Variants in DOCK3 observed in about 807,000 individuals in gnomAD.
DOCK3 encodes the protein dedicator of cytokinesis 3.
In DOCK3, 60 loss-of-function variants were observed where a neutral mutation model predicts 265.6. The observed-to-expected ratio is 0.23, with a 90% CI of 0.18 to 0.28. The LOEUF (loss-of-function observed/expected upper bound fraction) is 0.28. Among genes scored for constraint, DOCK3 ranks in the 10% least tolerant of loss-of-function variants. DOCK3 has a pLI of 1.00. For synonymous variants in DOCK3, 881 were observed against 938.0 expected (o/e 0.94, Z 1.11); for missense variants, 1,981 against 2,594.3 (o/e 0.76, Z 5.14).
chr3:51,169,600 G>A (rs1560155517), intron 12 of DOCK3, among the ~76,000 whole-genome samples: 1 of 152,066 alleles, frequency 6.6e-6, no homozygotes, highest in African/African-American at 2.4e-5. Context: ...ATGAGGGTGG[G>A]ACGAGGGAGA....
At chr3:50,832,812 A>C (rs1460630356) in intron 2 of DOCK3, among the ~76,000 whole-genome samples, 1 of 152,130 alleles carries the variant, frequency 6.6e-6, no homozygotes, top group Non-Finnish European at 1.5e-5. Context: ...CTGCCTAACT[A>C]TCAGGGTCTC....
intron 38 of DOCK3, among the ~76,000 whole-genome samples, chr3:51,346,821 G>C (rs2085617131): frequency 6.6e-6 from 1 of 152,116 alleles, no homozygotes; most frequent in South Asian, 2.1e-4. Context: ...ACTTTTTAAT[G>C]ATCACCATTC....
chr3:51,198,293 G>A (rs2088450482), intron 12 of DOCK3, among the ~76,000 whole-genome samples: 1 of 152,240 alleles, frequency 6.6e-6, no homozygotes, highest in African/African-American at 2.4e-5. Flanking sequence ...AACCACGGGT[G>A]CTTTTCACTC....
intron 23 of DOCK3, among the ~76,000 whole-genome samples, chr3:51,262,856 G>A (rs1486832378): frequency 6.6e-6 from 1 of 152,124 alleles, no homozygotes; most frequent in Non-Finnish European, 1.5e-5. Context: ...AAGTCGTGAA[G>A]ACAAGATTAG....
intron 35 of DOCK3, among the ~76,000 whole-genome samples, chr3:51,334,477 C>G (rs149973230): frequency 7.5e-4 from 115 of 152,318 alleles, no homozygotes; most frequent in East Asian, 4.1e-3. Context: ...GCAAAAGATA[C>G]AGGTGTCCAA....
At chr3:51,356,342 C>T in intron 42 of DOCK3, 65 bp from the exon 43 acceptor site, 1 of 1,612,182 alleles carries the variant, frequency 6.2e-7, no homozygotes, top group Non-Finnish European at 8.5e-7. Flanking sequence ...TGTTTTATCC[C>T]TCAGGTAGGC....
chr3:51,155,142 A>AT (rs113981577), intron 10 of DOCK3, among the ~76,000 whole-genome samples: 38 of 145,578 alleles, frequency 2.6e-4, no homozygotes, highest in African/African-American at 3.3e-4. Context: ...TGCTTGGCTA[A>AT]TTTTTTTTTT....
intron 27 of DOCK3, among the ~76,000 whole-genome samples, chr3:51,289,519 A>C (rs1219760962): frequency 6.6e-6 from 1 of 152,228 alleles, no homozygotes; most frequent in Non-Finnish European, 1.5e-5. Context: ...ATCTACAAAC[A>C]ACCAACCAGA....
intron 5 of DOCK3, among the ~76,000 whole-genome samples, chr3:50,978,609 C>T (rs977164405): frequency 1.3e-5 from 2 of 152,152 alleles, no homozygotes; most frequent in African/African-American, 4.8e-5. Context: ...TTTGTCTGTG[C>T]CCTGCCCCCA....
At chr3:50,869,321 TTTTA>T (rs922541128) in intron 3 of DOCK3, among the ~76,000 whole-genome samples, 20 of 148,178 alleles carry the variant, frequency 1.3e-4, no homozygotes, top group Non-Finnish European at 3.0e-4. Context: ...TTTATTTCAA[TTTTA>T]TTTATTTCTG....
chr3:51,137,739 TTCA>T (rs1396570055), intron 9 of DOCK3, among the ~76,000 whole-genome samples: 1 of 152,232 alleles, frequency 6.6e-6, no homozygotes, highest in Non-Finnish European at 1.5e-5. Flanking sequence ...TTGTCTATAG[TTCA>T]TCATCATAAA....
At chr3:50,699,017 G>C (rs766291743) in intron 1 of DOCK3, among the ~76,000 whole-genome samples, 1 of 152,128 alleles carries the variant, frequency 6.6e-6, no homozygotes, top group Non-Finnish European at 1.5e-5. Context: ...TTTGTTGTCA[G>C]TGCCGTTGGC....
intron 4 of DOCK3, among the ~76,000 whole-genome samples, chr3:50,891,047 G>T (rs2048616651): frequency 1.3e-5 from 2 of 152,000 alleles, no homozygotes; most frequent in Admixed American, 1.3e-4. Context: ...AGCTACTGTT[G>T]GTATGTATAA....
At chr3:50,879,989 A>G (rs1299641131) in intron 3 of DOCK3, among the ~76,000 whole-genome samples, 1 of 152,096 alleles carries the variant, frequency 6.6e-6, no homozygotes. Context: ...ACTCAAAACC[A>G]CTCAACTACA....
At chr3:50,700,743 A>G (rs1055161610) in intron 1 of DOCK3, among the ~76,000 whole-genome samples, 1 of 152,210 alleles carries the variant, frequency 6.6e-6, no homozygotes, top group East Asian at 1.9e-4. Flanking sequence ...GATAAACATG[A>G]GAGTGCCAGC....
chr3:50,888,630 C>G (rs1394398854), intron 3 of DOCK3, among the ~76,000 whole-genome samples: 3 of 152,112 alleles, frequency 2.0e-5, no homozygotes, highest in Non-Finnish European at 2.9e-5. Context: ...GCTACAGTAA[C>G]CAAAACAGCA....
chr3:50,752,075 C>T (rs2039852799), intron 1 of DOCK3, among the ~76,000 whole-genome samples: 1 of 152,126 alleles, frequency 6.6e-6, no homozygotes, highest in Non-Finnish European at 1.5e-5. Context: ...CCAGTACCTG[C>T]AATGCTTTTT....
chr3:51,310,358 C>T (rs1207599739), intron 28 of DOCK3, 32 bp downstream of exon 28: 1 of 1,521,656 alleles, frequency 6.6e-7, no homozygotes, highest in Non-Finnish European at 9.0e-7. Flanking sequence ...ATCAGCATCA[C>T]TGAGCTGTTC....
At chr3:51,016,575 T>TATATATGA (rs2079270720) in intron 5 of DOCK3, among the ~76,000 whole-genome samples, 1 of 94,282 alleles carries the variant, frequency 1.1e-5, no homozygotes, top group Non-Finnish European at 1.9e-5. Context: ...ATATATATAT[T>TATATATGA]TATATATATC....
Sources: gnomAD v4.1 joint callset for allele counts (sites outside exome capture counted in the v4.1 genomes callset) on GRCh38, gnomAD v4.1.1 for gene constraint, MANE v1.5 for transcripts, NCBI Gene and HGNC (gene_info 2026-07-23, HGNC 2026-07-21) for gene names.